TRPM2: variants seen among roughly 807,000 people sequenced by gnomAD.
TRPM2 encodes the protein estrogen-responsive element-associated gene 1 protein.
In TRPM2, 161 loss-of-function variants were observed where a neutral mutation model predicts 174.0. The observed-to-expected ratio is 0.93, with a 90% CI of 0.81 to 1.05. TRPM2 has a LOEUF of 1.05. Ranked by LOEUF, TRPM2 falls within the 50% of genes least tolerant of loss-of-function variation. The pLI is 0.00. For missense variants in TRPM2, 2,057 were observed against 2,038.0 expected, an observed-to-expected ratio of 1.01 and a Z score of -0.18; for synonymous variants, 954 against 861.3, an observed-to-expected ratio of 1.11 and a Z score of -1.88.
chr21:44,393,002 T>C (rs999462154), intron 11 of TRPM2, among the ~76,000 whole-genome samples: 3 of 152,148 alleles, frequency 2.0e-5, no homozygotes. Flanking sequence ...TCCAACCTTA[T>C]TCAAGGGAAC....
chr21:44,389,540 C>T (rs989916508), intron 9 of TRPM2, among the ~76,000 whole-genome samples: 5 of 152,172 alleles, frequency 3.3e-5, no homozygotes, highest in African/African-American at 1.2e-4. Context: ...ACCCTACATC[C>T]TTGTCCACAC....
intron 16 of TRPM2, among the ~76,000 whole-genome samples, chr21:44,404,415 G>A (rs1018991694): frequency 3.3e-5 from 5 of 152,092 alleles, no homozygotes; most frequent in South Asian, 2.1e-4. Flanking sequence ...ATATTCACAC[G>A]TATACACACA....
In TRPM2 at chr21:44,438,763, G is replaced by C. The variant is rs551857544; in HGVS notation, c.4168-304G>C. ...GGCAGGCGCCAGGGGAGCGGGAAGG[G>C]GGTGCCCTGTCACCCTTGGGGAGTC... On this transcript the variant is annotated intron_variant, in intron 29 of 31. Transcript: ENST00000397928. The surrounding 1 kb of genome is among the most constrained non-coding windows in gnomAD (Gnocchi z 5.9). Among the ~76,000 whole-genome samples the C allele has an allele frequency of 6.6e-6, 1 of 152,136 alleles. No homozygotes were observed. Among genetic ancestry groups the C allele is most frequent in the African/African-American group, 2.4e-5 (1 of 41,442 alleles).
chr21:44,351,654 G>A (rs184138807), upstream of TRPM2, among the ~76,000 whole-genome samples: 112 of 152,310 alleles, frequency 7.4e-4, no homozygotes, highest in Middle Eastern at 6.8e-3. Flanking sequence ...TTGGAAGGTC[G>A]TTGCCAGGCC....
chr21:44,395,654 C>G, intron 12 of TRPM2, 103 bp downstream of exon 12: 1 of 1,535,130 alleles, frequency 6.5e-7, no homozygotes, highest in Non-Finnish European at 8.8e-7. Flanking sequence ...AGGCCAAGTG[C>G]ACGTGGAGGC....
chr21:44,352,333 A>G (rs927853059), upstream of TRPM2, among the ~76,000 whole-genome samples: 5 of 151,744 alleles, frequency 3.3e-5, no homozygotes, highest in Non-Finnish European at 4.4e-5. Context: ...AAAGGGGAGG[A>G]GGGAGAGGGG....
rs1243139164 is a variant in TRPM2, at chr21:44,366,789, G to A, written c.459G>A (p.Val153=). 1.2e-6 allele frequency: 2 copies of A among 1,613,762 alleles called. No individual in the cohort carries two copies. Among genetic ancestry groups the A allele is most frequent in the South Asian group, 1.1e-5 (1 of 91,060 alleles). The change falls in exon 4 of 32, where the codon GTG becomes GTA. Residue 153 remains valine (V), a synonymous_variant. Transcript: ENST00000397928. This position sits in a 1 kb window ranked among gnomAD's most constrained non-coding sequence, Gnocchi z 6.0. ...VRVSQDTPSS[V]IYHLMTQHWG... is the part of the protein sequence containing the mutation. ...TCTCCCAGGACACGCCCTCCAGCGT[G>A]ATCTACCACCTCATGACCCAGCACT...
At chr21:44,406,844 G>C (rs1326705423) in intron 19 of TRPM2, 79 bp downstream of exon 19, 8 of 1,516,254 alleles carry the variant, frequency 5.3e-6, no homozygotes. Context: ...CGCATGAGTG[G>C]GAGTGAGGCC....
At chr21:44,378,207 G>A (rs1381494817) in intron 7 of TRPM2, among the ~76,000 whole-genome samples, 2 of 152,222 alleles carry the variant, frequency 1.3e-5, no homozygotes, top group Non-Finnish European at 2.9e-5. Flanking sequence ...TGCAGATTTG[G>A]CAGGCAGCTT....
rs190589365 is a variant in TRPM2, at chr21:44,406,106, C to G, written c.2790+69C>G. The G allele has an allele frequency of 1.0e-3, 1,622 of 1,575,768 alleles. 17 individuals carry two copies. In the African/African-American group the frequency reaches 0.013, roughly 13 times the overall value. ...GGGTGGGCCTCGGGGAGGGCAGGCC[C>G]CTTGCCAGTGGCTCGGACTGGGGCT... On this transcript the variant is annotated intron_variant, in intron 18 of 31. Transcript: ENST00000397928.
At chr21:44,418,362 G>A (rs2050390233) in intron 21 of TRPM2, 61 bp from the exon 22 acceptor site, 3 of 1,591,342 alleles carry the variant, frequency 1.9e-6, no homozygotes, top group African/African-American at 1.3e-5. Flanking sequence ...GGTGGGTCAG[G>A]GCTTCAGGGC....
chr21:44,434,625 T>C (rs1461413375), intron 27 of TRPM2, among the ~76,000 whole-genome samples: 1 of 152,142 alleles, frequency 6.6e-6, no homozygotes, highest in Non-Finnish European at 1.5e-5. Flanking sequence ...GGGAAGCGTC[T>C]GTGGCTCCTG....
At chr21:44,417,282 C>T (rs544772697) in intron 20 of TRPM2, among the ~76,000 whole-genome samples, 1 of 132,560 alleles carries the variant, frequency 7.5e-6, no homozygotes, top group African/African-American at 2.9e-5. Context: ...GGGCGTGGCT[C>T]TGCTCTCTGG....
rs575918917 is a variant in TRPM2, at chr21:44,385,898, T to G, written c.1318+3078T>G. Among the ~76,000 whole-genome samples the G allele has an allele frequency of 2.6e-5, 4 of 152,274 alleles. No homozygotes were observed. In the South Asian group the frequency reaches 8.3e-4, roughly 32 times the overall value. On this transcript the variant is annotated intron_variant, in intron 9 of 31. Coordinates refer to ENST00000397928, the MANE Select transcript of TRPM2 (RefSeq NM_003307.4). ...AGCATAGGGGAAACTGTCCCCACAA[T>G]CCAACTACCTCCACCTGGTCTCTCC...
In TRPM2 at chr21:44,353,858, A is replaced by G. The variant is rs1228235318; in HGVS notation, c.158A>G (p.Asn53Ser). 6.3e-7 allele frequency: 1 copy of G among 1,597,552 alleles called. No homozygotes were observed. The change falls in exon 1 of 32, where the codon AAT becomes AGT. Residue 53 changes from asparagine (N) to serine (S), a missense_variant. By Grantham distance (46) the Asn-to-Ser change is conservative (BLOSUM62 1). Transcript: ENST00000397928. Reference protein sequence around the residue: ...SWRLQCPFGNNDKQESLSSWI... With the variant: ...SWRLQCPFGNSDKQESLSSWI... Reference sequence around the variant, plus strand: ...AGGCTACAGTGCCCCTTCGGCAACAATGACAAGGTAGGCTTTCTGCTGGTC... The same window carrying G: ...AGGCTACAGTGCCCCTTCGGCAACAGTGACAAGGTAGGCTTTCTGCTGGTC...
At position 44,367,304 on chromosome 21, in the gene TRPM2, G is replaced by A. The variant is rs2048390896; in HGVS notation, c.604+370G>A. Reference sequence around the variant, plus strand: ...ATCTTGGTGGCCTGAGAACCTCGGTGGCCTGGGTGCACGGCTGGGGCCAGC... The same window carrying A: ...ATCTTGGTGGCCTGAGAACCTCGGTAGCCTGGGTGCACGGCTGGGGCCAGC... On this transcript the variant is annotated intron_variant, in intron 4 of 31. Transcript: ENST00000397928. The surrounding 1 kb of genome is among the most constrained non-coding windows in gnomAD (Gnocchi z 4.6). Among the ~76,000 whole-genome samples the A allele has an allele frequency of 6.6e-6, 1 of 152,182 alleles. No homozygotes were observed. Among genetic ancestry groups the A allele is most frequent in the African/African-American group, 2.4e-5 (1 of 41,432 alleles).
chr21:44,436,860 T>C (rs932637050), intron 28 of TRPM2, among the ~76,000 whole-genome samples: 10 of 152,136 alleles, frequency 6.6e-5, no homozygotes, highest in South Asian at 2.1e-4. Context: ...CTACCAGCTA[T>C]GATGGAAGTG....
chr21:44,364,083 T>C (rs1210290637), intron 2 of TRPM2, 31 bp from the exon 3 acceptor site: 18 of 1,605,202 alleles, frequency 1.1e-5, no homozygotes, highest in Non-Finnish European at 1.5e-5. Context: ...GGCACCACAC[T>C]CCCTGGGTGA....
chr21:44,435,212 C>T lies in TRPM2; in HGVS notation c.4056C>T (p.Val1352=). 6.2e-7 allele frequency: 1 copy of T among 1,612,930 alleles called. No individual in the cohort carries two copies. The highest frequency in any genetic ancestry group is 1.3e-5 in the African/African-American group (1 of 74,994). ...FGPNHTLYPM[V]TRWRRNEDGA... ...CCAACCACACGCTGTACCCCATGGT[C>T]ACGCGGTGAGTTCATGTGTGCCGGG... The change falls in exon 28 of 32, where the codon GTC becomes GTT. Residue 1352 remains valine (V), a synonymous_variant. Transcript: ENST00000397928.
Sources: allele counts gnomAD v4.1 joint callset (sites outside exome capture counted in the v4.1 genomes callset), GRCh38; gene constraint gnomAD v4.1.1; non-coding constraint Gnocchi (gnomAD v3.1); transcripts MANE v1.5; gene names NCBI Gene and HGNC (gene_info 2026-07-23, HGNC 2026-07-21).